TTC29: variants seen among roughly 807,000 people sequenced by gnomAD.
The protein encoded by TTC29 is tetratricopeptide repeat protein 29.
Under a neutral mutation model 58.1 loss-of-function variants are expected in TTC29, and 49 were observed. The observed-to-expected ratio is 0.84, with a 90% CI of 0.67 to 1.07. The LOEUF (loss-of-function observed/expected upper bound fraction) is 1.07. TTC29 is among the 50% of genes least tolerant of loss of function. The pLI is 0.00. For missense variants in TTC29, 582 were observed against 555.6 expected, an observed-to-expected ratio of 1.05 and a Z score of -0.48; for synonymous variants, 209 against 196.8, an observed-to-expected ratio of 1.06 and a Z score of -0.52.
chr4:146,778,257 G>T (rs1317490197), intron 11 of TTC29, among the ~76,000 whole-genome samples: 1 of 151,270 alleles, frequency 6.6e-6, no homozygotes, highest in African/African-American at 2.4e-5. Context: ...ACTATTTAAG[G>T]TTATAAATTC....
intron 8 of TTC29, among the ~76,000 whole-genome samples, chr4:146,839,339 G>T (rs1728701592): frequency 6.6e-6 from 1 of 151,928 alleles, no homozygotes; most frequent in African/African-American, 2.4e-5. Flanking sequence ...CTAGCTAAAA[G>T]ATTTGTAATG....
At chr4:146,729,570 A>G (rs1191447857) in intron 11 of TTC29, among the ~76,000 whole-genome samples, 2 of 152,156 alleles carry the variant, frequency 1.3e-5, no homozygotes. Context: ...AATGGGTTCA[A>G]AAAGGTTTGC....
intron 4 of TTC29, among the ~76,000 whole-genome samples, chr4:146,917,670 T>C (rs1734327903): frequency 1.4e-5 from 2 of 145,488 alleles, no homozygotes; most frequent in South Asian, 2.1e-4. Context: ...AATTATGCAT[T>C]ATATAAATTT....
chr4:146,818,810 C>T (rs1274248435), intron 10 of TTC29, among the ~76,000 whole-genome samples: 1 of 152,034 alleles, frequency 6.6e-6, no homozygotes, highest in Admixed American at 6.6e-5. Context: ...TGGAAATCAT[C>T]ATTCTCAGTA....
chr4:146,812,223 A>G (rs1483282546), intron 10 of TTC29, among the ~76,000 whole-genome samples: 2 of 152,294 alleles, frequency 1.3e-5, no homozygotes, highest in East Asian at 1.9e-4. Context: ...TAGGCCAAAC[A>G]TAACCATTTT....
chr4:146,742,425 C>T (rs932423998), intron 11 of TTC29, among the ~76,000 whole-genome samples: 8 of 152,124 alleles, frequency 5.3e-5, no homozygotes, highest in Non-Finnish European at 7.4e-5. Flanking sequence ...AAGGAAGACT[C>T]CCTGCATCTT....
At chr4:146,724,021 C>T (rs930569892) in intron 11 of TTC29, among the ~76,000 whole-genome samples, 2 of 152,194 alleles carry the variant, frequency 1.3e-5, no homozygotes, top group African/African-American at 4.8e-5. Context: ...CACACATATA[C>T]ACCATGGAAT....
chr4:146,761,225 C>G (rs900488264), intron 11 of TTC29, among the ~76,000 whole-genome samples: 2 of 151,770 alleles, frequency 1.3e-5, no homozygotes, highest in Non-Finnish European at 2.9e-5. Context: ...CCAATAATAA[C>G]TAATGGAAAA....
Position 146,833,663 on chromosome 4 carries a change from C to T in TTC29, c.977+143G>A. On this transcript the variant is annotated intron_variant, in intron 9 of 12. Transcript: ENST00000325106. ...AAACTACCAAACTGGTTTAAAATAA[C>T]TTATGATGAAAGGGTCACTTAAGAA... is the stretch of plus-strand genomic sequence containing the variant. 4.5e-6 allele frequency: 3 copies of T among 661,332 alleles called. No individual in the cohort carries two copies. In the South Asian group the frequency reaches 4.9e-5, roughly 11 times the overall value. The allele number at this position is 661,332 out of a possible 1,614,324, so 41.0% of individuals were successfully genotyped here.
intron 6 of TTC29, among the ~76,000 whole-genome samples, chr4:146,902,701 C>G (rs931170712): frequency 1.3e-5 from 2 of 152,138 alleles, no homozygotes; most frequent in African/African-American, 4.8e-5. Context: ...TCTAATACTC[C>G]CTATGTCTAG....
At chr4:146,718,959 C>G (rs753232631) in intron 11 of TTC29, among the ~76,000 whole-genome samples, 1 of 152,104 alleles carries the variant, frequency 6.6e-6, no homozygotes, top group Admixed American at 6.6e-5. Flanking sequence ...ATTAAAGAGA[C>G]TGTCCTTTTT....
chr4:146,908,922 T>C, intron 5 of TTC29, 104 bp downstream of exon 5: 1 of 961,104 alleles, frequency 1.0e-6, no homozygotes, highest in Non-Finnish European at 1.6e-6. Context: ...GTGTGCTAAG[T>C]TGTCTTAATG....
intron 9 of TTC29, among the ~76,000 whole-genome samples, chr4:146,832,604 T>C (rs1371406761): frequency 2.0e-5 from 3 of 152,056 alleles, no homozygotes; most frequent in Admixed American, 2.0e-4. Flanking sequence ...CCCGAGTAGC[T>C]GGGATTACAG....
At chr4:146,774,400 G>T (rs1364694758) in intron 11 of TTC29, among the ~76,000 whole-genome samples, 4 of 152,112 alleles carry the variant, frequency 2.6e-5, no homozygotes, top group Admixed American at 2.6e-4. Flanking sequence ...TGCTTTAGCT[G>T]CATCCCAGAG....
intron 6 of TTC29, among the ~76,000 whole-genome samples, chr4:146,890,931 G>A (rs902095718): frequency 2.0e-5 from 3 of 152,078 alleles, no homozygotes; most frequent in Admixed American, 2.0e-4. Flanking sequence ...TAACTAGTGG[G>A]GGAGCTATTG....
At chr4:146,762,089 C>G (rs1211528219) in intron 11 of TTC29, among the ~76,000 whole-genome samples, 1 of 151,816 alleles carries the variant, frequency 6.6e-6, no homozygotes, top group East Asian at 1.9e-4. Flanking sequence ...GGCTTCCTTT[C>G]ATTTCGTCTC....
chr4:146,728,759 G>GTATATATACGTATATA (rs1464066031), intron 11 of TTC29, among the ~76,000 whole-genome samples: 5 of 112,580 alleles, frequency 4.4e-5, no homozygotes, highest in African/African-American at 1.8e-4. Flanking sequence ...GAGGATATAT[G>GTATATATACGTATATA]TACATATATA....
intron 4 of TTC29, among the ~76,000 whole-genome samples, chr4:146,914,546 G>A (rs1734094914): frequency 6.6e-6 from 1 of 152,084 alleles, no homozygotes; most frequent in Non-Finnish European, 1.5e-5. Context: ...TAGGAAATAT[G>A]AGGAGAGTTC....
intron 2 of TTC29, among the ~76,000 whole-genome samples, chr4:146,943,169 CTTTTTTTTTTTTTTTTT>C (rs61184684): frequency 1.3e-4 from 8 of 59,494 alleles, no homozygotes; most frequent in African/African-American, 2.8e-4. Flanking sequence ...ATCAACTGTG[CTTTTTTTTTTTTTTTTT>C]TTTTTTTTTT....
Sources: gnomAD v4.1 joint callset for allele counts (sites outside exome capture counted in the v4.1 genomes callset) on GRCh38, gnomAD v4.1.1 for gene constraint, MANE v1.5 for transcripts, NCBI Gene and HGNC (gene_info 2026-07-23, HGNC 2026-07-21) for gene names.